The following BBS9 variants were observed in gnomAD, a reference collection of about 807,000 sequenced individuals.
BBS9 encodes protein PTHB1.
Under a neutral mutation model 117.7 loss-of-function variants are expected in BBS9, and 89 were observed. The observed-to-expected ratio is 0.76, with a 90% CI of 0.64 to 0.90. The LOEUF is 0.90. Among genes scored for constraint, BBS9 ranks in the 40% least tolerant of loss-of-function variants. The pLI is 0.00. For missense variants in BBS9, 982 were observed against 1,042.2 expected, an observed-to-expected ratio of 0.94 and a Z score of 0.80; for synonymous variants, 379 against 370.9, an observed-to-expected ratio of 1.02 and a Z score of -0.25.
At chr7:33,551,793 A>G (rs959526867) in intron 21 of BBS9, among the ~76,000 whole-genome samples, 1 of 152,182 alleles carries the variant, frequency 6.6e-6, no homozygotes, top group Non-Finnish European at 1.5e-5. Flanking sequence ...GCTGTTGACC[A>G]TTTGTGCCAC....
intron 19 of BBS9, among the ~76,000 whole-genome samples, 197 bp downstream of exon 19, chr7:33,388,341 G>T (rs1563103778): frequency 6.6e-6 from 1 of 152,072 alleles, no homozygotes; most frequent in Non-Finnish European, 1.5e-5. Flanking sequence ...TGTGACCTTG[G>T]GTAAATTACA....
intron 9 of BBS9, among the ~76,000 whole-genome samples, chr7:33,284,240 T>A (rs1015931521): frequency 1.3e-5 from 2 of 152,208 alleles, no homozygotes; most frequent in Non-Finnish European, 2.9e-5. Context: ...CTTCAAAGTT[T>A]GTTGATTGTG....
chr7:33,596,299 C>CACACACAT (rs1491153351), intron 21 of BBS9, among the ~76,000 whole-genome samples: 2,912 of 143,458 alleles, frequency 0.02, 85 homozygotes, highest in African/African-American at 0.055. Flanking sequence ...CACACACACA[C>CACACACAT]TTATATATGT....
chr7:33,598,561 A>G (rs993698814), intron 21 of BBS9, among the ~76,000 whole-genome samples: 2 of 152,214 alleles, frequency 1.3e-5, no homozygotes, highest in African/African-American at 4.8e-5. Flanking sequence ...TACCACACTA[A>G]TGAAAGATAT....
Position 33,351,261 on chromosome 7 carries a change from AAAG to A in BBS9, c.1479_1481del (p.Arg493del). 1.2e-6 allele frequency: 2 copies of A among 1,613,382 alleles called. No individual in the cohort carries two copies. Among genetic ancestry groups the A allele is most frequent in the Non-Finnish European group, 1.7e-6 (2 of 1,179,420 alleles). ...ACAGTAAGCTTTTCTGTTTATCTGA[AAAG>A]AAGTTATACACCATCAGAATTGGAA... On this transcript the variant is annotated inframe_deletion, in exon 14 of 23. Transcript: ENST00000242067.
At chr7:33,168,251 T>G (rs1795993510) in intron 4 of BBS9, among the ~76,000 whole-genome samples, 1 of 152,228 alleles carries the variant, frequency 6.6e-6, no homozygotes, top group Non-Finnish European at 1.5e-5. Context: ...GTCAAGGTTT[T>G]ATAACACTTG....
At chr7:33,575,080 A>G (rs775110306) in intron 21 of BBS9, among the ~76,000 whole-genome samples, 25 of 152,098 alleles carry the variant, frequency 1.6e-4, no homozygotes, top group Non-Finnish European at 2.6e-4. Flanking sequence ...TTACCACTCT[A>G]AACTTCAGGA....
intron 5 of BBS9, among the ~76,000 whole-genome samples, chr7:33,202,516 A>G (rs1325522750): frequency 6.6e-6 from 1 of 152,164 alleles, no homozygotes; most frequent in Non-Finnish European, 1.5e-5. Context: ...AAAGAGGTTT[A>G]ATTGGCTCAG....
intron 5 of BBS9, among the ~76,000 whole-genome samples, chr7:33,198,259 G>C (rs983396570): frequency 5.9e-5 from 9 of 152,060 alleles, no homozygotes; most frequent in African/African-American, 2.2e-4. Context: ...GATTTTAGGA[G>C]ACTGTGAACA....
In BBS9 at chr7:33,451,482, C is replaced by T. The variant is rs529551661; in HGVS notation, c.2116-53981C>T. Among the ~76,000 whole-genome samples the T allele has an allele frequency of 4.6e-5, 7 of 152,014 alleles. No homozygotes were observed. The South Asian group carries it at 1.0e-3, about 23-fold the overall frequency. On this transcript the variant is annotated intron_variant, in intron 19 of 22. Transcript: ENST00000242067. Reference sequence around the variant, plus strand: ...TTCACCCACTATGTAGTCTTGGCACCCTTGTTGAAGATAATTTGACCATAT... The same window carrying T: ...TTCACCCACTATGTAGTCTTGGCACTCTTGTTGAAGATAATTTGACCATAT...
intron 18 of BBS9, among the ~76,000 whole-genome samples, chr7:33,384,741 A>AGAGAGAGAG (rs1563097808): frequency 6.6e-6 from 1 of 151,238 alleles, no homozygotes; most frequent in South Asian, 2.1e-4. Context: ...AGAGAGAGAG[A>AGAGAGAGAG]ATTACCAGTC....
intron 21 of BBS9, among the ~76,000 whole-genome samples, chr7:33,577,714 A>G (rs935150109): frequency 6.6e-6 from 1 of 152,194 alleles, no homozygotes; most frequent in Non-Finnish European, 1.5e-5. Context: ...ATGGAATACT[A>G]TACAGCCATA....
rs201655079 is a variant in BBS9 at position 33,368,577 on chromosome 7, TACACACACAC to T, written c.1789+746_1789+755del. Among the ~76,000 whole-genome samples the T allele has an allele frequency of 2.2e-3, 287 of 128,478 alleles. 1 individual carries two copies. Among genetic ancestry groups the T allele is most frequent in the East Asian group, 0.013 (58 of 4,466 alleles). The allele number at this position is 128,478 out of a possible 152,430, so 84.3% of individuals were successfully genotyped here. A position where few individuals can be genotyped will look rare whatever the true frequency, so the allele number is the denominator to read the frequency against. On this transcript the variant is annotated intron_variant, in intron 17 of 22. Transcript: ENST00000242067. ...ACGAATCTGTATTGAGAGAAAAAAG[TACACACACAC>T]ACACACACACACACACACACACACA...
chr7:33,602,954 G>A (rs1864023140), intron 21 of BBS9, among the ~76,000 whole-genome samples: 1 of 152,174 alleles, frequency 6.6e-6, no homozygotes, highest in South Asian at 2.1e-4. Flanking sequence ...ATAGCAACTG[G>A]CTTTTCCTTT....
chr7:33,243,870 T>C (rs1794916954), intron 5 of BBS9, among the ~76,000 whole-genome samples: 2 of 152,208 alleles, frequency 1.3e-5, no homozygotes, highest in South Asian at 2.1e-4. Context: ...TTCCTACTTA[T>C]TTGTATTAGT....
At chr7:33,412,561 C>A (rs1831337974) in intron 19 of BBS9, among the ~76,000 whole-genome samples, 1 of 152,218 alleles carries the variant, frequency 6.6e-6, no homozygotes, top group South Asian at 2.1e-4. Context: ...GCAGTCATTG[C>A]AGCTGCTGTG....
At chr7:33,532,513 G>C (rs1379558077) in intron 20 of BBS9, among the ~76,000 whole-genome samples, 1 of 152,158 alleles carries the variant, frequency 6.6e-6, no homozygotes, top group African/African-American at 2.4e-5. Context: ...CAGCAGGAGA[G>C]AGAATGAGTG....
At chr7:33,502,363 G>C (rs1845576835) in intron 19 of BBS9, among the ~76,000 whole-genome samples, 1 of 152,098 alleles carries the variant, frequency 6.6e-6, no homozygotes, top group African/African-American at 2.4e-5. Context: ...CTGATTTCAG[G>C]CTACCAATGT....
intron 21 of BBS9, among the ~76,000 whole-genome samples, chr7:33,552,452 C>T (rs1854589344): frequency 6.6e-6 from 1 of 152,162 alleles, no homozygotes; most frequent in Non-Finnish European, 1.5e-5. Flanking sequence ...TGGTGCTCTT[C>T]CCTTGAAACC....
Sources: allele counts gnomAD v4.1 joint callset (sites outside exome capture counted in the v4.1 genomes callset), GRCh38; gene constraint gnomAD v4.1.1; transcripts MANE v1.5; gene names NCBI Gene and HGNC (gene_info 2026-07-23, HGNC 2026-07-21).